The following WFDC10B variants were observed in gnomAD, a reference collection of about 807,000 sequenced individuals.
WFDC10B encodes the protein WAP four-disulfide core domain 10B, also known as protein WFDC10B.
Under a neutral mutation model 2.7 loss-of-function variants are expected in WFDC10B, and 1 was observed. The ratio of observed to expected loss-of-function variants is 0.38; its 90% confidence interval spans 0.13 to 1.79. WFDC10B has a LOEUF of 1.79. Among genes scored for constraint, WFDC10B ranks in the 40% most tolerant of loss-of-function variants. The pLI is 0.33. For missense variants in WFDC10B, 71 were observed against 87.8 expected (o/e 0.81, Z 0.76); for synonymous variants, 26 against 32.2 (o/e 0.81, Z 0.65).
At chr20:45,687,865 T>TATTATC (rs1555805540) in intron 2 of WFDC10B, among the ~76,000 whole-genome samples, 1 of 140,302 alleles carries the variant, frequency 7.1e-6, no homozygotes, top group Non-Finnish European at 1.6e-5. Context: ...TTTCTTTTAT[T>TATTATC]ATTATTATTA....
chr20:45,688,340 T>A (rs1010065378), intron 2 of WFDC10B, among the ~76,000 whole-genome samples: 3 of 152,096 alleles, frequency 2.0e-5, no homozygotes, highest in African/African-American at 7.2e-5. Flanking sequence ...AACATACATG[T>A]GCATGTGTCT....
intron 2 of WFDC10B, among the ~76,000 whole-genome samples, chr20:45,703,898 A>G (rs956950225): frequency 6.6e-6 from 1 of 152,136 alleles, no homozygotes. Context: ...CCCAGAACTT[A>G]CTTGTGAATT....
At chr20:45,698,982 AAGAAGGAGG>A (rs1984062594) in intron 2 of WFDC10B, among the ~76,000 whole-genome samples, 1 of 146,060 alleles carries the variant, frequency 6.8e-6, no homozygotes, top group African/African-American at 2.6e-5. Flanking sequence ...AAAAAAAAAG[AAGAAGGAGG>A]AGAAGGAGGG....
chr20:45,703,162 T>C (rs1245486797), intron 2 of WFDC10B, among the ~76,000 whole-genome samples: 2 of 152,136 alleles, frequency 1.3e-5, no homozygotes, highest in Non-Finnish European at 2.9e-5. Flanking sequence ...GGTCAAGACT[T>C]GAAAAGGGTG....
chr20:45,688,272 C>T (rs1437428847), intron 2 of WFDC10B, among the ~76,000 whole-genome samples: 1 of 151,884 alleles, frequency 6.6e-6, no homozygotes, highest in Non-Finnish European at 1.5e-5. Context: ...TCCAGTCTAT[C>T]ATTGTTGGAC....
chr20:45,690,690 C>T (rs999511811), intron 2 of WFDC10B, among the ~76,000 whole-genome samples: 3 of 152,138 alleles, frequency 2.0e-5, no homozygotes, highest in Non-Finnish European at 4.4e-5. Context: ...GGTGATACCC[C>T]TTTATCATTT....
intron 2 of WFDC10B, among the ~76,000 whole-genome samples, chr20:45,696,928 A>G (rs1340481528): frequency 6.6e-6 from 1 of 152,162 alleles, no homozygotes; most frequent in Non-Finnish European, 1.5e-5. Flanking sequence ...CCCTTCTATA[A>G]TTAAAAAAAA....
intron 3 of WFDC10B, among the ~76,000 whole-genome samples, chr20:45,685,376 CCTT>C (rs1299754368): frequency 2.0e-5 from 3 of 152,076 alleles, no homozygotes; most frequent in East Asian, 3.9e-4. Flanking sequence ...TCTCATCCCT[CCTT>C]CTCCTCTCCT....
At chr20:45,702,307 C>A in intron 2 of WFDC10B, 1 of 1,268,690 alleles carries the variant, frequency 7.9e-7, no homozygotes, top group Non-Finnish European at 1.1e-6. Context: ...GGAAAAATAC[C>A]GTGTCATGTT....
chr20:45,685,892 C>T lies in WFDC10B; in HGVS notation c.91+10G>A, dbSNP rs1373424850. 6.2e-7 allele frequency: 1 copy of T among 1,613,554 alleles called. No homozygotes were observed. Reference sequence around the variant, plus strand: ...ACTCTCCATCACCCATCCAGCAGCCCATCACCTACTCTGCATCCTCATCTT... The same window carrying T: ...ACTCTCCATCACCCATCCAGCAGCCTATCACCTACTCTGCATCCTCATCTT... On this transcript the variant is annotated intron_variant, in intron 3 of 3. Transcript: ENST00000330523.
intron 2 of WFDC10B, among the ~76,000 whole-genome samples, chr20:45,701,025 A>G (rs1984137434): frequency 6.6e-6 from 1 of 152,250 alleles, no homozygotes; most frequent in Non-Finnish European, 1.5e-5. Context: ...TAGTATTTGT[A>G]GAAAGTGGGA....
At chr20:45,690,008 T>TA in intron 2 of WFDC10B, among the ~76,000 whole-genome samples, 1 of 152,166 alleles carries the variant, frequency 6.6e-6, no homozygotes, top group East Asian at 1.9e-4. Context: ...TATTTTGAGA[T>TA]ACGTCCCATC....
At chr20:45,695,276 T>A (rs1243914114) in intron 2 of WFDC10B, among the ~76,000 whole-genome samples, 2 of 152,186 alleles carry the variant, frequency 1.3e-5, no homozygotes, top group Non-Finnish European at 2.9e-5. Context: ...GTGTCAGAAT[T>A]AAATTAAATT....
At chr20:45,693,291 T>C (rs1410004477) in intron 2 of WFDC10B, among the ~76,000 whole-genome samples, 3 of 152,222 alleles carry the variant, frequency 2.0e-5, no homozygotes, top group Non-Finnish European at 4.4e-5. Flanking sequence ...AGGGACCCAC[T>C]TGAGGAGGCA....
At chr20:45,695,079 C>G (rs983866232) in intron 2 of WFDC10B, among the ~76,000 whole-genome samples, 4 of 152,116 alleles carry the variant, frequency 2.6e-5, no homozygotes, top group Non-Finnish European at 5.9e-5. Flanking sequence ...TAAAGTGTTT[C>G]CTGAGTTCTG....
At chr20:45,699,961 G>A (rs747575558) in intron 2 of WFDC10B, among the ~76,000 whole-genome samples, 26 of 152,218 alleles carry the variant, frequency 1.7e-4, no homozygotes, top group Non-Finnish European at 2.4e-4. Flanking sequence ...ACAGGCGTGA[G>A]CCACCGCACC....
At chr20:45,692,815 T>A (rs1206299538) in intron 2 of WFDC10B, among the ~76,000 whole-genome samples, 1 of 152,216 alleles carries the variant, frequency 6.6e-6, no homozygotes, top group Non-Finnish European at 1.5e-5. Context: ...TCTGAAGCCT[T>A]CTTCTCTCAA....
intron 2 of WFDC10B, among the ~76,000 whole-genome samples, chr20:45,692,766 T>G (rs1983854982): frequency 6.6e-6 from 1 of 152,152 alleles, no homozygotes; most frequent in South Asian, 2.1e-4. Flanking sequence ...CTTCTTTGCC[T>G]TTGGTTTGAA....
At chr20:45,685,039 C>T (rs1258194151) in intron 3 of WFDC10B, 79 bp from the exon 4 acceptor site, 1 of 1,578,056 alleles carries the variant, frequency 6.3e-7, no homozygotes, top group Non-Finnish European at 8.6e-7. Context: ...TCCTCCATGG[C>T]CCCAGAACCA....
Sources: gnomAD v4.1 joint callset for allele counts (sites outside exome capture counted in the v4.1 genomes callset) on GRCh38, gnomAD v4.1.1 for gene constraint, MANE v1.5 for transcripts, NCBI Gene and HGNC (gene_info 2026-07-23, HGNC 2026-07-21) for gene names.